Variants in TENM2 observed in about 807,000 individuals in gnomAD.
TENM2 encodes teneurin transmembrane protein 2.
TENM2 carries 52 observed loss-of-function variants against 245.2 expected under a neutral mutation model. The observed-to-expected ratio is 0.21, with a 90% CI of 0.17 to 0.27. The LOEUF (loss-of-function observed/expected upper bound fraction) is 0.27. Among genes scored for constraint, TENM2 ranks in the 10% least tolerant of loss-of-function variants. TENM2 has a pLI of 1.00. For missense variants in TENM2, 3,046 were observed against 3,666.8 expected (o/e 0.83, Z 4.37); for synonymous variants, 1,363 against 1,438.9 (o/e 0.95, Z 1.19).
At chr5:167,743,696 C>T (rs1368193425) in intron 2 of TENM2, among the ~76,000 whole-genome samples, 3 of 151,876 alleles carry the variant, frequency 2.0e-5, no homozygotes, top group Admixed American at 1.3e-4. Context: ...TTCTTATTGA[C>T]AAGACAAAAG....
chr5:167,673,037 A>C (rs1756067508), intron 2 of TENM2, among the ~76,000 whole-genome samples: 2 of 152,076 alleles, frequency 1.3e-5, no homozygotes, highest in South Asian at 4.1e-4. Context: ...GAATTCCAAA[A>C]GATTCCAATA....
chr5:167,618,620 G>A (rs1777952609), intron 2 of TENM2, among the ~76,000 whole-genome samples: 1 of 152,126 alleles, frequency 6.6e-6, no homozygotes, highest in African/African-American at 2.4e-5. Flanking sequence ...CATTAAGTCT[G>A]TGTATAACTA....
intron 2 of TENM2, among the ~76,000 whole-genome samples, chr5:167,646,968 C>T (rs946486541): frequency 1.3e-5 from 2 of 152,084 alleles, no homozygotes; most frequent in African/African-American, 2.4e-5. Flanking sequence ...ATTAAATACC[C>T]GGATAGGTTT....
chr5:167,913,498 A>C (rs1221362270), intron 3 of TENM2, among the ~76,000 whole-genome samples: 1 of 152,206 alleles, frequency 6.6e-6, no homozygotes, highest in Non-Finnish European at 1.5e-5. Context: ...ACATGTTCCC[A>C]TTTCTCAATC....
At chr5:167,412,077 G>T (rs987377146) in intron 2 of TENM2, among the ~76,000 whole-genome samples, 4 of 152,018 alleles carry the variant, frequency 2.6e-5, no homozygotes, top group African/African-American at 9.7e-5. Context: ...GGGATTTAAG[G>T]GTTCACCTGG....
At chr5:167,630,982 A>G (rs1018148373) in intron 2 of TENM2, among the ~76,000 whole-genome samples, 2 of 152,128 alleles carry the variant, frequency 1.3e-5, no homozygotes, top group Non-Finnish European at 2.9e-5. Flanking sequence ...TTGTTCCTCT[A>G]TTGTAGGATA....
chr5:167,687,508 C>G (rs895062515), intron 2 of TENM2, among the ~76,000 whole-genome samples: 1 of 152,132 alleles, frequency 6.6e-6, no homozygotes, highest in Non-Finnish European at 1.5e-5. Flanking sequence ...TATTTCTCTA[C>G]CTACTTAATG....
chr5:167,834,270 G>A (rs1373285161), intron 2 of TENM2, among the ~76,000 whole-genome samples: 1 of 152,314 alleles, frequency 6.6e-6, no homozygotes, highest in Admixed American at 6.5e-5. Flanking sequence ...GCAGGAAGAA[G>A]CCAGCCATGT....
chr5:168,064,967 A>T (rs1158237359), intron 7 of TENM2, among the ~76,000 whole-genome samples: 4 of 152,316 alleles, frequency 2.6e-5, no homozygotes, highest in African/African-American at 9.6e-5. Flanking sequence ...CCTCAAGGAG[A>T]CAGTGCTTAG....
At chr5:167,100,192 A>G in the TENM2 span, among the ~76,000 whole-genome samples, 1 of 152,176 alleles carries the variant, frequency 6.6e-6, no homozygotes, top group Admixed American at 6.5e-5. Context: ...AGAGGGCTTT[A>G]ATTATAGCTA....
intron 1 of TENM2, among the ~76,000 whole-genome samples, chr5:167,320,015 C>T (rs1249652733): frequency 6.6e-6 from 1 of 152,146 alleles, no homozygotes; most frequent in African/African-American, 2.4e-5. Context: ...ACTTATGACA[C>T]TTCAGGCCAC....
the TENM2 span, among the ~76,000 whole-genome samples, chr5:167,212,925 A>C: frequency 6.6e-6 from 1 of 152,194 alleles, no homozygotes; most frequent in South Asian, 2.1e-4. Flanking sequence ...CTAGTATGTG[A>C]CATTTTATAT....
intron 2 of TENM2, among the ~76,000 whole-genome samples, chr5:167,852,682 T>C (rs1770693264): frequency 6.6e-6 from 1 of 152,204 alleles, no homozygotes; most frequent in Admixed American, 6.5e-5. Context: ...CTGTATAAGC[T>C]GAGTATGAGT....
intron 27 of TENM2, among the ~76,000 whole-genome samples, chr5:168,254,337 C>T (rs1767437775): frequency 6.6e-6 from 1 of 152,148 alleles, no homozygotes; most frequent in Non-Finnish European, 1.5e-5. Context: ...GAAATGCCTT[C>T]CGCAGCATGG....
chr5:167,699,446 A>G (rs1392973341), intron 2 of TENM2, among the ~76,000 whole-genome samples: 1 of 152,154 alleles, frequency 6.6e-6, no homozygotes, highest in Non-Finnish European at 1.5e-5. Context: ...CCTTATTTTT[A>G]AGTCAGAGAA....
chr5:167,603,968 A>AT (rs1776838361), intron 2 of TENM2, among the ~76,000 whole-genome samples: 1 of 152,178 alleles, frequency 6.6e-6, no homozygotes, highest in African/African-American at 2.4e-5. Context: ...TATTTTAGGG[A>AT]TAAGGTACAA....
intron 2 of TENM2, among the ~76,000 whole-genome samples, chr5:167,706,011 A>G (rs1434480557): frequency 1.4e-5 from 2 of 139,342 alleles, no homozygotes; most frequent in African/African-American, 5.3e-5. Context: ...TTATTTATTT[A>G]CTTATTTATA....
At chr5:167,040,627 CTT>C in the TENM2 span, among the ~76,000 whole-genome samples, 1 of 152,064 alleles carries the variant, frequency 6.6e-6, no homozygotes, top group Non-Finnish European at 1.5e-5. Flanking sequence ...AAAAACCCTT[CTT>C]TTTCAACAGC....
chr5:167,349,847 C>T (rs1158886484), intron 1 of TENM2, among the ~76,000 whole-genome samples: 2 of 152,046 alleles, frequency 1.3e-5, no homozygotes, highest in African/African-American at 4.8e-5. Context: ...GAAGACATCT[C>T]ATCAAAAATT....
Sources: gnomAD v4.1 joint callset for allele counts (sites outside exome capture counted in the v4.1 genomes callset) on GRCh38, gnomAD v4.1.1 for gene constraint, MANE v1.5 for transcripts, NCBI Gene and HGNC (gene_info 2026-07-23, HGNC 2026-07-21) for gene names.